Variants in MBTD1 observed in about 807,000 individuals in gnomAD.
MBTD1 encodes the protein mbt domain containing 1, also known as MBT domain-containing protein 1.
In MBTD1, 24 loss-of-function variants were observed where a neutral mutation model predicts 87.8. That is an observed-to-expected ratio of 0.27 (90% CI 0.20 to 0.38). The LOEUF (loss-of-function observed/expected upper bound fraction) is 0.38. MBTD1 is among the 10% of genes least tolerant of loss of function. The pLI is 1.00. For synonymous variants in MBTD1, 237 were observed against 248.6 expected (o/e 0.95, Z 0.44); for missense variants, 436 against 760.2 (o/e 0.57, Z 5.02).
intron 16 of MBTD1, chr17:51,191,773 G>A (rs2050825558): frequency 6.3e-6 from 1 of 158,944 alleles, no homozygotes; most frequent in Non-Finnish European, 1.4e-5. Context: ...GGTGGAGACA[G>A]GGTTTCACCG....
intron 6 of MBTD1, among the ~76,000 whole-genome samples, chr17:51,208,855 A>C (rs2143308199): frequency 6.6e-6 from 1 of 152,350 alleles, no homozygotes; most frequent in South Asian, 2.1e-4. Context: ...AAAGAAAACA[A>C]AATGTCAATA....
intron 7 of MBTD1, among the ~76,000 whole-genome samples, chr17:51,204,783 G>A (rs997085354): frequency 2.6e-5 from 4 of 152,194 alleles, no homozygotes; most frequent in African/African-American, 9.6e-5. Context: ...TTACAGGCAT[G>A]AGCCACTGTG....
chr17:51,243,811 A>G lies in MBTD1; in HGVS notation c.-49+15332T>C, dbSNP rs56233337. On this transcript the variant is annotated intron_variant, in intron 2 of 16. Coordinates refer to ENST00000586178, the MANE Select transcript of MBTD1 (RefSeq NM_017643.3). ...TGAGTAGCTGGGATTACAGGTGTAC[A>G]CTGACGTGTTTCGTTTGAAATTATT... 5.1e-3 allele frequency among the ~76,000 whole-genome samples: 772 copies of G among 152,228 alleles called. 7 individuals are homozygous for G. The highest frequency in any genetic ancestry group is 7.9e-3 in the Non-Finnish European group (539 of 68,006).
intron 16 of MBTD1, among the ~76,000 whole-genome samples, chr17:51,189,210 G>A (rs1425658017): frequency 6.6e-6 from 1 of 152,106 alleles, no homozygotes; most frequent in East Asian, 1.9e-4. Flanking sequence ...CATAATGTAT[G>A]TTACACAGAC....
chr17:51,208,468 G>T (rs1303847636), intron 6 of MBTD1, among the ~76,000 whole-genome samples: 2 of 152,166 alleles, frequency 1.3e-5, no homozygotes, highest in Admixed American at 1.3e-4. Flanking sequence ...AGACTGTAGG[G>T]CCATCCCTAT....
intron 6 of MBTD1, among the ~76,000 whole-genome samples, chr17:51,216,255 T>A (rs2052564617): frequency 6.6e-6 from 1 of 152,168 alleles, no homozygotes; most frequent in Admixed American, 6.5e-5. Context: ...TAACAAAATG[T>A]TAAATGCAAA....
chr17:51,239,826 GTAATAAGGA>G (rs2054062894), intron 2 of MBTD1, among the ~76,000 whole-genome samples: 1 of 151,598 alleles, frequency 6.6e-6, no homozygotes, highest in Non-Finnish European at 1.5e-5. Context: ...GCCTTTCCTA[GTAATAAGGA>G]TATTCTCTTA....
intron 7 of MBTD1, among the ~76,000 whole-genome samples, chr17:51,205,044 T>C (rs2051739214): frequency 6.6e-6 from 1 of 152,232 alleles, no homozygotes; most frequent in African/African-American, 2.4e-5. Context: ...ATATGTAATA[T>C]ATCCTATTTA....
intron 2 of MBTD1, chr17:51,250,721 T>TA (rs2054729893): frequency 6.6e-6 from 1 of 152,240 alleles, no homozygotes; most frequent in Non-Finnish European, 1.5e-5. Context: ...ACTTCTGTGG[T>TA]ATAGATTCAG....
intron 2 of MBTD1, among the ~76,000 whole-genome samples, chr17:51,226,432 G>C (rs888954581): frequency 6.6e-6 from 1 of 151,290 alleles, no homozygotes; most frequent in Non-Finnish European, 1.5e-5. Flanking sequence ...GAGCCTGGGA[G>C]GTGGAGGTTG....
intron 2 of MBTD1, among the ~76,000 whole-genome samples, chr17:51,249,008 T>C (rs1180771790): frequency 6.6e-6 from 1 of 151,492 alleles, no homozygotes; most frequent in Non-Finnish European, 1.5e-5. Flanking sequence ...CCCAGCACTA[T>C]GGGAGGCCAA....
At chr17:51,207,104 C>A in intron 6 of MBTD1, 99 bp from the exon 7 acceptor site, 1 of 588,574 alleles carries the variant, frequency 1.7e-6, no homozygotes, top group South Asian at 2.8e-5. Context: ...GAATATTAAA[C>A]TAAAAATGTC....
chr17:51,187,010 T>C (rs1056397280), intron 16 of MBTD1, among the ~76,000 whole-genome samples: 7 of 152,196 alleles, frequency 4.6e-5, no homozygotes, highest in Non-Finnish European at 1.5e-5. Flanking sequence ...TGAAATGTGC[T>C]CTCCTAACTT....
In MBTD1 at chr17:51,207,021, C is replaced by A; in HGVS notation, c.487-16G>T. 7.2e-7 allele frequency: 1 copy of A among 1,395,978 alleles called. No homozygotes were observed. The highest frequency in any genetic ancestry group is 1.0e-6 in the Non-Finnish European group (1 of 983,544). 86.5% of individuals were successfully genotyped at this position (1,395,978 alleles called of 1,614,324 possible). A position where few individuals can be genotyped will look rare whatever the true frequency, so the allele number is the denominator to read the frequency against. ...CCATAGGTGCCTGTCACATAAAAAT[C>A]ATTAAATTATTGTCTTATTAACATA... is the stretch of plus-strand genomic sequence containing the variant. On this transcript the variant is annotated splice_polypyrimidine_tract_variant and intron_variant, in intron 6 of 16. Transcript: ENST00000586178.
chr17:51,221,419 C>A (rs1486325057), intron 3 of MBTD1, among the ~76,000 whole-genome samples: 1 of 152,030 alleles, frequency 6.6e-6, no homozygotes, highest in Non-Finnish European at 1.5e-5. Flanking sequence ...GCATAATAGA[C>A]AATAATTTGA....
chr17:51,190,750 AATATATAT>A (rs1555677186), intron 16 of MBTD1, among the ~76,000 whole-genome samples: 3 of 39,718 alleles, frequency 7.6e-5, no homozygotes, highest in African/African-American at 4.6e-4. Flanking sequence ...AAAAAAAAAA[AATATATAT>A]ATATATATAT....
At chr17:51,188,020 T>C (rs191679710) in intron 16 of MBTD1, among the ~76,000 whole-genome samples, 2 of 152,318 alleles carry the variant, frequency 1.3e-5, no homozygotes, top group Admixed American at 6.5e-5. Context: ...AGTATTCCTA[T>C]GTAAAATGAT....
At chr17:51,260,111 C>T (rs940093983), upstream of MBTD1, 40 of 377,454 alleles carry the variant, frequency 1.1e-4, no homozygotes, top group East Asian at 1.6e-3. Context: ...GGCCCACTTC[C>T]CTACATACCC....
intron 2 of MBTD1, chr17:51,250,932 T>C (rs1328452732): frequency 6.6e-6 from 1 of 152,244 alleles, no homozygotes; most frequent in Admixed American, 6.5e-5. Context: ...ATTTGAAATG[T>C]GGGAATGTTA....
Sources: allele counts gnomAD v4.1 joint callset (sites outside exome capture counted in the v4.1 genomes callset), GRCh38; gene constraint gnomAD v4.1.1; transcripts MANE v1.5; gene names NCBI Gene and HGNC (gene_info 2026-07-23, HGNC 2026-07-21).